The following PLAG1 variants were observed in gnomAD, a reference collection of about 807,000 sequenced individuals.
PLAG1 encodes the protein zinc finger protein PLAG1.
In PLAG1, 7 loss-of-function variants were observed where a neutral mutation model predicts 35.5. That is an observed-to-expected ratio of 0.20 (90% CI 0.11 to 0.37). PLAG1 has a LOEUF of 0.37. Ranked by LOEUF, PLAG1 falls within the 10% of genes least tolerant of loss-of-function variation. The probability of loss-of-function intolerance (pLI) is 1.00; values close to 1 mark genes in which losing one functional copy is unlikely to be tolerated. For missense variants in PLAG1, 454 were observed against 602.8 expected, an observed-to-expected ratio of 0.75 and a Z score of 2.58; for synonymous variants, 229 against 225.4, an observed-to-expected ratio of 1.02 and a Z score of -0.14.
At chr8:56,210,429 C>G (rs1196442042) in intron 1 of PLAG1, among the ~76,000 whole-genome samples, 3 of 151,576 alleles carry the variant, frequency 2.0e-5, no homozygotes, top group Non-Finnish European at 2.9e-5. Context: ...AGCCACACAC[C>G]CCGGGCTCAC....
intron 1 of PLAG1, among the ~76,000 whole-genome samples, chr8:56,189,243 T>G (rs1420489510): frequency 2.0e-5 from 3 of 152,252 alleles, no homozygotes; most frequent in Non-Finnish European, 4.4e-5. Flanking sequence ...AACTGGGCAT[T>G]GACACAATGC....
chr8:56,195,743 A>G (rs1812341592), intron 1 of PLAG1, among the ~76,000 whole-genome samples: 1 of 152,132 alleles, frequency 6.6e-6, no homozygotes, highest in African/African-American at 2.4e-5. Context: ...CCTGAAGCTC[A>G]AGGCGCCTGG....
rs1811209079 is a variant in PLAG1, at chr8:56,161,779, G to A, written c.*4464C>T. ...AGAGAAGTTTGTAGCACCATGAAGA[G>A]TTGTAGCCCAAGTTACATTAGCAGC... On this transcript the variant is annotated 3_prime_UTR_variant, in exon 5 of 5. Transcript: ENST00000316981. 1 of 230,318 alleles carries A rather than the reference G, an allele frequency of 4.3e-6. No homozygotes were observed. The highest frequency in any genetic ancestry group is 8.6e-6 in the Non-Finnish European group (1 of 115,978). 14.3% of individuals were successfully genotyped at this position (230,318 alleles called of 1,614,324 possible).
intron 1 of PLAG1, among the ~76,000 whole-genome samples, chr8:56,184,456 T>C (rs775503349): frequency 6.6e-6 from 1 of 152,240 alleles, no homozygotes; most frequent in Non-Finnish European, 1.5e-5. Context: ...GTGTCTACCA[T>C]ATGACACAGC....
At position 56,166,574 on chromosome 8, in the gene PLAG1, A is replaced by C; in HGVS notation, c.1172T>G (p.Leu391Arg). 1.2e-6 allele frequency: 2 copies of C among 1,613,936 alleles called. No individual in the cohort carries two copies. The highest frequency in any genetic ancestry group is 1.7e-6 in the Non-Finnish European group (2 of 1,179,872). ...GGAGAGGTCTCCTGCACCATCATCT[A>C]GGGACCCAATCTGAGGATCCAACCC... is the stretch of plus-strand genomic sequence containing the variant. ...KLGLDPQIGS[L>R]DDGAGDLSLS... The change falls in exon 5 of 5, where the codon CTA becomes CGA. Residue 391 changes from leucine to arginine, a missense_variant. By Grantham distance (102) the Leu-to-Arg change is moderately radical. Coordinates refer to ENST00000316981, the MANE Select transcript of PLAG1 (RefSeq NM_002655.3).
chr8:56,178,625 T>C (rs1811776748), intron 2 of PLAG1, among the ~76,000 whole-genome samples: 1 of 152,156 alleles, frequency 6.6e-6, no homozygotes, highest in South Asian at 2.1e-4. Flanking sequence ...GCCCAAGGCC[T>C]CCTTTCCCCC....
chr8:56,161,839 G>C lies in PLAG1; in HGVS notation c.*4404C>G, dbSNP rs1811210295. 4.4e-6 allele frequency: 1 copy of C among 229,666 alleles called. No homozygotes were observed. Among genetic ancestry groups the C allele is most frequent in the South Asian group, 1.8e-4 (1 of 5,510 alleles). 14.2% of individuals were successfully genotyped at this position (229,666 alleles called of 1,614,324 possible). On this transcript the variant is annotated 3_prime_UTR_variant, in exon 5 of 5. Coordinates refer to ENST00000316981, the MANE Select transcript of PLAG1 (RefSeq NM_002655.3). ...TATAATATTGAAGGAGTGTTTCTGA[G>C]AAGATAAACATTCATTCTGGTTCAT...
chr8:56,184,282 A>G (rs34037954), intron 1 of PLAG1, among the ~76,000 whole-genome samples: 20,880 of 152,238 alleles, frequency 0.14, 1,749 homozygotes, highest in Middle Eastern at 0.19. Context: ...CAGTGAGATA[A>G]TGCTATCTAC....
At chr8:56,170,571 G>A (rs1213327135) in intron 3 of PLAG1, among the ~76,000 whole-genome samples, 1 of 152,126 alleles carries the variant, frequency 6.6e-6, no homozygotes. Flanking sequence ...CCCAATTGCA[G>A]AATCTACATG....
At chr8:56,199,555 C>T (rs942310333) in intron 1 of PLAG1, among the ~76,000 whole-genome samples, 1 of 152,044 alleles carries the variant, frequency 6.6e-6, no homozygotes, top group East Asian at 1.9e-4. Context: ...GCATATTTTG[C>T]AAGTGGAGAG....
At chr8:56,199,011 G>A (rs1299087429) in intron 1 of PLAG1, among the ~76,000 whole-genome samples, 1 of 152,212 alleles carries the variant, frequency 6.6e-6, no homozygotes, top group Non-Finnish European at 1.5e-5. Context: ...ACAGAAAAGA[G>A]ACATGGAGGC....
intron 1 of PLAG1, among the ~76,000 whole-genome samples, chr8:56,193,017 C>A (rs1812233331): frequency 6.6e-6 from 1 of 152,040 alleles, no homozygotes; most frequent in Non-Finnish European, 1.5e-5. Context: ...CAGGTATGGA[C>A]CTTACTGGAT....
At chr8:56,177,386 C>G (rs1811732024) in intron 2 of PLAG1, among the ~76,000 whole-genome samples, 1 of 152,146 alleles carries the variant, frequency 6.6e-6, no homozygotes, top group Non-Finnish European at 1.5e-5. Context: ...ACCATCATGT[C>G]AAGGGTAGCC....
intron 1 of PLAG1, among the ~76,000 whole-genome samples, chr8:56,210,062 C>G (rs537583302): frequency 6.6e-6 from 1 of 152,192 alleles, no homozygotes; most frequent in Non-Finnish European, 1.5e-5. Flanking sequence ...CCACCTCCCC[C>G]CTCGCTCCCC....
chr8:56,194,589 G>A (rs1461368920), intron 1 of PLAG1, among the ~76,000 whole-genome samples: 1 of 151,834 alleles, frequency 6.6e-6, no homozygotes, highest in Non-Finnish European at 1.5e-5. Context: ...GTGTGTGTGT[G>A]TGTGTGAATG....
At chr8:56,204,506 T>A (rs1341144291) in intron 1 of PLAG1, among the ~76,000 whole-genome samples, 2 of 151,944 alleles carry the variant, frequency 1.3e-5, no homozygotes, top group African/African-American at 4.8e-5. Flanking sequence ...CCTTCCAATT[T>A]TGCCTTTGAG....
At position 56,167,763 on chromosome 8, in the gene PLAG1, A is replaced by T. The variant is rs1483059573; in HGVS notation, c.243-260T>A. Among the ~76,000 whole-genome samples the T allele has an allele frequency of 6.6e-6, 1 of 152,240 alleles. No individual in the cohort carries two copies. Among genetic ancestry groups the T allele is most frequent in the Non-Finnish European group, 1.5e-5 (1 of 68,038 alleles). ...AGCAAGACTGAATATACTCACGTAA[A>T]CGTCCTTACCCTTTTCTTGTTGTAA... On this transcript the variant is annotated intron_variant, in intron 4 of 4. Transcript: ENST00000316981. The surrounding 1 kb of genome is among the most constrained non-coding windows in gnomAD (Gnocchi z 5.9).
At chr8:56,175,450 C>T (rs143196324) in intron 2 of PLAG1, among the ~76,000 whole-genome samples, 5 of 152,248 alleles carry the variant, frequency 3.3e-5, no homozygotes, top group East Asian at 1.9e-4. Flanking sequence ...GCACCTAACT[C>T]GCCTGAGTTT....
chr8:56,166,580 C>A lies in PLAG1; in HGVS notation c.1166G>T (p.Gly389Val). 4 of 1,613,784 alleles carry A rather than the reference C, an allele frequency of 2.5e-6. No individual in the cohort carries two copies. The highest frequency in any genetic ancestry group is 2.2e-5 in the South Asian group (2 of 91,036). ...GTCTCCTGCACCATCATCTAGGGAC[C>A]CAATCTGAGGATCCAACCCTAGCTT... ...SSKLGLDPQI[G>V]SLDDGAGDLS... Residue 389 changes from glycine (G) to valine (V), a missense_variant, in exon 5 of 5, where the codon GGG becomes GTG. Gly to Val is a moderately radical substitution (Grantham distance 109). Transcript: ENST00000316981.
Sources: allele counts gnomAD v4.1 joint callset (sites outside exome capture counted in the v4.1 genomes callset), GRCh38; gene constraint gnomAD v4.1.1; non-coding constraint Gnocchi (gnomAD v3.1); transcripts MANE v1.5; gene names NCBI Gene and HGNC (gene_info 2026-07-23, HGNC 2026-07-21).